BMAL1: variants seen among roughly 807,000 people sequenced by gnomAD.
BMAL1 encodes the protein basic helix-loop-helix ARNT-like protein 1.
the BMAL1 span, chr11:13,366,552 G>A: frequency 1.1e-6 from 1 of 923,170 alleles, no homozygotes; most frequent in Middle Eastern, 2.2e-4. Context: ...AAAAGTTTGA[G>A]GTCTCATGCA....
the BMAL1 span, among the ~76,000 whole-genome samples, chr11:13,336,845 C>T: frequency 6.6e-5 from 10 of 152,262 alleles, no homozygotes; most frequent in East Asian, 7.7e-4. Context: ...CCTTAACACT[C>T]GCTGTTGGAA....
chr11:13,281,263 A>T, the BMAL1 span, among the ~76,000 whole-genome samples: 1 of 152,064 alleles, frequency 6.6e-6, no homozygotes, highest in Non-Finnish European at 1.5e-5. Flanking sequence ...ACTTGTGGTG[A>T]GCCTGCTGTG....
chr11:13,373,444 G>A, the BMAL1 span, among the ~76,000 whole-genome samples: 1 of 152,172 alleles, frequency 6.6e-6, no homozygotes, highest in East Asian at 1.9e-4. Flanking sequence ...TAAAAAGGAG[G>A]CAGCAAAAAC....
the BMAL1 span, chr11:13,366,764 C>T: frequency 6.2e-7 from 1 of 1,613,844 alleles, no homozygotes; most frequent in Non-Finnish European, 8.5e-7. Context: ...ACCCCGGGAG[C>T]GGCTCATAGA....
chr11:13,318,497 A>G, the BMAL1 span, among the ~76,000 whole-genome samples: 1 of 150,922 alleles, frequency 6.6e-6, no homozygotes, highest in East Asian at 1.9e-4. Flanking sequence ...AACTGCTTTA[A>G]TTCAACAATT....
At chr11:13,281,317 G>A in the BMAL1 span, among the ~76,000 whole-genome samples, 1 of 151,996 alleles carries the variant, frequency 6.6e-6, no homozygotes, top group African/African-American at 2.4e-5. Context: ...CCCTGGGTTC[G>A]TAAGCCTCTC....
At chr11:13,335,318 T>G in the BMAL1 span, among the ~76,000 whole-genome samples, 1 of 152,342 alleles carries the variant, frequency 6.6e-6, no homozygotes, top group South Asian at 2.1e-4. Flanking sequence ...ATTCCTTCTC[T>G]TATTCTAGTC....
the BMAL1 span, among the ~76,000 whole-genome samples, chr11:13,344,215 C>T: frequency 6.6e-6 from 1 of 152,166 alleles, no homozygotes; most frequent in African/African-American, 2.4e-5. Context: ...TCCACACACA[C>T]CCAAGCCCAC....
chr11:13,336,855 A>T, the BMAL1 span, among the ~76,000 whole-genome samples: 2 of 152,158 alleles, frequency 1.3e-5, no homozygotes, highest in East Asian at 3.8e-4. Context: ...CGCTGTTGGA[A>T]ATTTCCCAAG....
At chr11:13,299,597 T>C in the BMAL1 span, among the ~76,000 whole-genome samples, 1 of 152,016 alleles carries the variant, frequency 6.6e-6, no homozygotes. Flanking sequence ...ACACTGGGGA[T>C]TGTGGTGGCG....
At chr11:13,278,621 C>T in the BMAL1 span, among the ~76,000 whole-genome samples, 1 of 152,198 alleles carries the variant, frequency 6.6e-6, no homozygotes, top group Non-Finnish European at 1.5e-5. Flanking sequence ...CCCCAGCCTG[C>T]GAACTTTCGT....
chr11:13,332,394 T>C, the BMAL1 span, among the ~76,000 whole-genome samples: 1 of 152,246 alleles, frequency 6.6e-6, no homozygotes, highest in Non-Finnish European at 1.5e-5. Flanking sequence ...TACAGCCACT[T>C]ACCTGCTTTC....
the BMAL1 span, chr11:13,378,634 G>A: frequency 4.5e-6 from 3 of 671,318 alleles, no homozygotes; most frequent in South Asian, 2.3e-5. Context: ...ACAGTAAACA[G>A]GACAGTTCCC....
the BMAL1 span, among the ~76,000 whole-genome samples, chr11:13,331,882 G>T: frequency 1.3e-5 from 2 of 152,194 alleles, no homozygotes; most frequent in Non-Finnish European, 2.9e-5. Flanking sequence ...AGGGCAAACT[G>T]TGAAAGCCTC....
chr11:13,331,184 A>G, the BMAL1 span, among the ~76,000 whole-genome samples: 1 of 152,222 alleles, frequency 6.6e-6, no homozygotes, highest in South Asian at 2.1e-4. Context: ...GAAGATGGCC[A>G]AACAATCAGC....
the BMAL1 span, among the ~76,000 whole-genome samples, chr11:13,371,111 C>A: frequency 1.3e-5 from 2 of 152,200 alleles, no homozygotes; most frequent in African/African-American, 4.8e-5. Context: ...GCTGTAAACT[C>A]CACAAGGGCA....
chr11:13,290,981 C>T, the BMAL1 span, among the ~76,000 whole-genome samples: 5 of 152,160 alleles, frequency 3.3e-5, no homozygotes, highest in Non-Finnish European at 5.9e-5. Flanking sequence ...GGACATCCTC[C>T]TGGATACTCT....
the BMAL1 span, among the ~76,000 whole-genome samples, chr11:13,334,696 C>G: frequency 3.9e-5 from 6 of 152,190 alleles, no homozygotes; most frequent in South Asian, 2.1e-4. Context: ...GAGAACAACT[C>G]CAGCAGTTAC....
At chr11:13,351,108 A>G in the BMAL1 span, among the ~76,000 whole-genome samples, 3 of 152,206 alleles carry the variant, frequency 2.0e-5, no homozygotes, top group African/African-American at 7.2e-5. Flanking sequence ...TAAGGACAAA[A>G]CATTACGTAG....
Sources: allele counts gnomAD v4.1 joint callset (sites outside exome capture counted in the v4.1 genomes callset), GRCh38; gene constraint gnomAD v4.1.1; transcripts MANE v1.5; gene names NCBI Gene and HGNC (gene_info 2026-07-23, HGNC 2026-07-21).